Variants in ZNF107 observed in about 807,000 individuals in gnomAD.
ZNF107 encodes the protein zinc finger protein 107, also known as C2H2 type zinc-finger protein.
ZNF107 carries 19 observed loss-of-function variants against 12.3 expected under a neutral mutation model. The observed-to-expected ratio is 1.55, with a 90% confidence interval of 1.08 to 2.27. The LOEUF (loss-of-function observed/expected upper bound fraction) is 2.27. ZNF107 is among the 30% of genes most tolerant of loss of function. The pLI, the probability that ZNF107 is intolerant of heterozygous loss-of-function variation, is 0.00. For missense variants in ZNF107, 958 were observed against 979.9 expected, an observed-to-expected ratio of 0.98 and a Z score of 0.30; for synonymous variants, 317 against 330.5, an observed-to-expected ratio of 0.96 and a Z score of 0.44.
At chr7:64,688,443 AG>A (rs891818844) in intron 1 of ZNF107, among the ~76,000 whole-genome samples, 1 of 151,750 alleles carries the variant, frequency 6.6e-6, no homozygotes, top group Non-Finnish European at 1.5e-5. Context: ...GTTTAGTGGA[AG>A]GGGGGGTTTC....
chr7:64,674,448 G>A (rs1367926214), intron 1 of ZNF107, among the ~76,000 whole-genome samples: 1 of 151,958 alleles, frequency 6.6e-6, no homozygotes, highest in East Asian at 1.9e-4. Context: ...TGATTTTTGT[G>A]CATTTATTTT....
At chr7:64,685,411 C>T (rs1789867347) in intron 1 of ZNF107, among the ~76,000 whole-genome samples, 1 of 151,942 alleles carries the variant, frequency 6.6e-6, no homozygotes, top group South Asian at 2.1e-4. Context: ...CAGCACCTCT[C>T]TGCTTAACAA....
chr7:64,690,929 C>A (rs1242637792), intron 1 of ZNF107, among the ~76,000 whole-genome samples: 2 of 152,048 alleles, frequency 1.3e-5, no homozygotes, highest in Non-Finnish European at 2.9e-5. Context: ...TTAGTAGAGA[C>A]GGGGTTTCAC....
chr7:64,696,234 G>C (rs1027871001), intron 3 of ZNF107, among the ~76,000 whole-genome samples: 1 of 152,074 alleles, frequency 6.6e-6, no homozygotes. Flanking sequence ...TGTATTTTTA[G>C]TAGAGACGGG....
rs1427684345 is a variant in ZNF107, at chr7:64,707,767, G to C, written c.1670G>C (p.Arg557Thr). ...TTCTCAACCCTTACTAAACATAAGA[G>C]AATTCATACTGGAGAAAAACCCTAT... ...NRFSTLTKHK[R>T]IHTGEKPYKC... Residue 557 changes from arginine (R) to threonine (T), a missense_variant, in exon 4 of 4, where the codon AGA becomes ACA. Arg to Thr is a moderately conservative substitution (Grantham distance 71, BLOSUM62 -1). Coordinates refer to ENST00000620827, the MANE Select transcript of ZNF107 (RefSeq NM_001282359.2). 6.2e-7 allele frequency: 1 copy of C among 1,609,562 alleles called. No individual in the cohort carries two copies. The highest frequency in any genetic ancestry group is 1.3e-5 in the African/African-American group (1 of 74,242).
At chr7:64,670,654 T>G (rs1475173600) in intron 1 of ZNF107, among the ~76,000 whole-genome samples, 1 of 152,236 alleles carries the variant, frequency 6.6e-6, no homozygotes, top group Non-Finnish European at 1.5e-5. Context: ...CATAAACTGT[T>G]CCTGGAGAAC....
chr7:64,708,755 T>C lies in ZNF107; in HGVS notation c.*99T>C. 8.3e-7 allele frequency: 1 copy of C among 1,208,148 alleles called. No homozygotes were observed. Among genetic ancestry groups the C allele is most frequent in the South Asian group, 1.6e-5 (1 of 64,026 alleles). The allele number at this position is 1,208,148 out of a possible 1,614,324, so 74.8% of individuals were successfully genotyped here. A position where few individuals can be genotyped will look rare whatever the true frequency, so the allele number is the denominator to read the frequency against. On this transcript the variant is annotated 3_prime_UTR_variant, in exon 4 of 4. Transcript: ENST00000620827. ...AGCCTTTAACAAGTCTTCAACTTTT[T>C]CTGCACACACGAGGTATTTTATACT...
chr7:64,668,114 G>A (rs542679923), intron 1 of ZNF107, among the ~76,000 whole-genome samples: 1 of 152,132 alleles, frequency 6.6e-6, no homozygotes, highest in African/African-American at 2.4e-5. Flanking sequence ...TAGTGTTTGG[G>A]TGGCCTGACT....
In ZNF107 at chr7:64,706,496, T is replaced by A. The variant is rs1790648163; in HGVS notation, c.399T>A (p.Val133=). Residue 133 remains valine (V), a synonymous_variant, in exon 4 of 4, where the codon GTT becomes GTA. Coordinates refer to ENST00000620827, the MANE Select transcript of ZNF107 (RefSeq NM_001282359.2). ...CTGHKGGHNT[V]NQCLTATPSK... ...GGCACAAAGGAGGTCATAATACAGT[T>A]AACCAATGTTTGACAGCTACCCCAA... 6.2e-7 allele frequency: 1 copy of A among 1,612,002 alleles called. No homozygotes were observed. The highest frequency in any genetic ancestry group is 1.7e-5 in the Admixed American group (1 of 59,828).
chr7:64,702,660 C>A (rs935757136), intron 3 of ZNF107, among the ~76,000 whole-genome samples: 1 of 151,364 alleles, frequency 6.6e-6, no homozygotes, highest in African/African-American at 2.4e-5. Context: ...CAGATTCAAG[C>A]GATTCTCCTG....
intron 3 of ZNF107, among the ~76,000 whole-genome samples, chr7:64,699,130 T>C (rs1790387841): frequency 1.3e-5 from 2 of 151,992 alleles, no homozygotes; most frequent in Admixed American, 6.5e-5. Flanking sequence ...TTTTTTTCCA[T>C]GGGTGTTATA....
chr7:64,685,672 G>A (rs762698360), intron 1 of ZNF107, among the ~76,000 whole-genome samples: 2 of 152,124 alleles, frequency 1.3e-5, no homozygotes, highest in African/African-American at 2.4e-5. Flanking sequence ...TACCCTAGGG[G>A]TGTGGGAAAA....
At chr7:64,688,257 C>CTT (rs36082192) in intron 1 of ZNF107, among the ~76,000 whole-genome samples, 3,203 of 133,254 alleles carry the variant, frequency 0.024, 130 homozygotes, top group African/African-American at 0.072. Flanking sequence ...CCTTCCTCCT[C>CTT]TTTTTTTTTT....
chr7:64,687,019 T>C, intron 1 of ZNF107: 7 of 985,462 alleles, frequency 7.1e-6, no homozygotes, highest in Non-Finnish European at 8.4e-6. Context: ...TTTGGGTTTT[T>C]ACAGAGAAAT....
chr7:64,706,222 C>A, intron 3 of ZNF107, 102 bp from the exon 4 acceptor site: 1 of 1,109,268 alleles, frequency 9.0e-7, no homozygotes, highest in Non-Finnish European at 1.2e-6. Flanking sequence ...TTTTGCTATG[C>A]AATCTGGCTT....
chr7:64,696,323 C>T (rs1790284578), intron 3 of ZNF107, among the ~76,000 whole-genome samples: 1 of 151,892 alleles, frequency 6.6e-6, no homozygotes, highest in Non-Finnish European at 1.5e-5. Context: ...GCTGGGATTA[C>T]AGGCATGAGC....
In ZNF107 at chr7:64,667,739, T is replaced by C. The variant is rs193022151; in HGVS notation, c.3+1454T>C. ...CTCTCAAGGGAGCAGGTGGATGCCC[T>C]GGGGCTGAGAGGAATCTCCTGGTAT... On this transcript the variant is annotated intron_variant, in intron 1 of 3. Coordinates refer to ENST00000620827, the MANE Select transcript of ZNF107 (RefSeq NM_001282359.2). 4.8e-3 allele frequency among the ~76,000 whole-genome samples: 729 copies of C among 152,256 alleles called. 8 individuals carry two copies. Among genetic ancestry groups the C allele is most frequent in the Middle Eastern group, 0.031 (9 of 294 alleles).
chr7:64,709,196 G>A lies in ZNF107; in HGVS notation c.*540G>A. ...AACTGTAGATAAGAAAATTCATACT[G>A]GAAAGAAACCCTACAAATGTGAAGT... On this transcript the variant is annotated 3_prime_UTR_variant, in exon 4 of 4. Transcript: ENST00000620827. 1 of 411,814 alleles carries A rather than the reference G, an allele frequency of 2.4e-6. No homozygotes were observed. Among genetic ancestry groups the A allele is most frequent in the Non-Finnish European group, 4.9e-6 (1 of 205,862 alleles). 25.5% of individuals were successfully genotyped at this position (411,814 alleles called of 1,614,324 possible). A position where few individuals can be genotyped will look rare whatever the true frequency, so the allele number is the denominator to read the frequency against.
chr7:64,701,814 T>C (rs1203963922), intron 3 of ZNF107, among the ~76,000 whole-genome samples: 1 of 152,044 alleles, frequency 6.6e-6, no homozygotes, highest in African/African-American at 2.4e-5. Context: ...AGAGACAGGG[T>C]TTTGTTATGT....
Sources: gnomAD v4.1 joint callset for allele counts (sites outside exome capture counted in the v4.1 genomes callset) on GRCh38, gnomAD v4.1.1 for gene constraint, MANE v1.5 for transcripts, NCBI Gene and HGNC (gene_info 2026-07-23, HGNC 2026-07-21) for gene names.